VPS35: variants seen among roughly 807,000 people sequenced by gnomAD.
VPS35 encodes VPS35 retromer complex component, also known as vacuolar protein sorting-associated protein 35.
In VPS35, 21 loss-of-function variants were observed where a neutral mutation model predicts 98.1. The observed-to-expected ratio is 0.21, with a 90% CI of 0.15 to 0.31. VPS35 has a LOEUF of 0.31. VPS35 is among the 10% of genes least tolerant of loss of function. VPS35 has a pLI of 1.00. For synonymous variants in VPS35, 268 were observed against 318.2 expected, an observed-to-expected ratio of 0.84 and a Z score of 1.68; for missense variants, 554 against 950.8, an observed-to-expected ratio of 0.58 and a Z score of 5.49.
chr16:46,677,110 G>A (rs1301150609), intron 7 of VPS35, among the ~76,000 whole-genome samples: 2 of 151,566 alleles, frequency 1.3e-5, no homozygotes, highest in East Asian at 1.9e-4. Flanking sequence ...TGCCCAGGCT[G>A]GTTTTGAACT....
intron 1 of VPS35, chr16:46,688,255 A>C: frequency 1.0e-6 from 1 of 976,060 alleles, no homozygotes; most frequent in African/African-American, 1.8e-5. Flanking sequence ...ATACTCAAAA[A>C]ATTTATTTAC....
chr16:46,662,308 G>A lies in VPS35; in HGVS notation c.2002C>T (p.Arg668Ter), dbSNP rs1341452806. Residue 668 changes from arginine (R) to a stop codon, truncating the protein, a stop_gained, in exon 15 of 17, where the codon CGA (arginine) becomes TGA (stop). Transcript: ENST00000299138. LOFTEE classifies it high-confidence loss of function. ...AGATGTGCACAGGTGCTCACAGCTC[G>A]GCCCTGATCAGGTTTCTTTAGAAGT... ...SKLLKKPDQGRAVSTCAHLFW... is the reference protein window; with the variant it reads ...SKLLKKPDQG The A allele has an allele frequency of 2.5e-6, 4 of 1,613,948 alleles. No individual in the cohort carries two copies. The highest frequency in any genetic ancestry group is 3.4e-6 in the Non-Finnish European group (4 of 1,180,022).
At chr16:46,683,398 T>C (rs780934588) in intron 2 of VPS35, 110 bp downstream of exon 2, 78 of 1,009,342 alleles carry the variant, frequency 7.7e-5, no homozygotes, top group Non-Finnish European at 1.1e-4. Context: ...TAGATGCTGG[T>C]AAACGGTGAA....
At position 46,661,386 on chromosome 16, in the gene VPS35, C is replaced by A. The variant is rs566537780; in HGVS notation, c.2211+332G>T. 194 of 280,738 alleles carry A rather than the reference C, an allele frequency of 6.9e-4. 2 individuals are homozygous for A. Among genetic ancestry groups the A allele is most frequent in the South Asian group, 5.6e-3 (159 of 28,408 alleles). The allele number at this position is 280,738 out of a possible 1,614,324, so 17.4% of individuals were successfully genotyped here. A position where few individuals can be genotyped will look rare whatever the true frequency, so the allele number is the denominator to read the frequency against. Reference sequence around the variant, plus strand: ...CTGGGATTACAGGCGCCTGCCACCACGCCTAGCTAATTTTTGTATTTTTAG... The same window carrying A: ...CTGGGATTACAGGCGCCTGCCACCAAGCCTAGCTAATTTTTGTATTTTTAG... On this transcript the variant is annotated intron_variant, in intron 16 of 16. Transcript: ENST00000299138. This position sits in a 1 kb window ranked among gnomAD's most constrained non-coding sequence, Gnocchi z 4.3.
rs1458876246 is a variant in VPS35 at position 46,660,184 on chromosome 16, GTTTTGTGTT to G, written c.*279_*287del. ...TAGTAGCCAAGATAAGTGCTTGTGG[GTTTTGTGTT>G]TTTTTTTTTTTTTTTTTTTACAGAT... On this transcript the variant is annotated 3_prime_UTR_variant, in exon 17 of 17. Coordinates refer to ENST00000299138, the MANE Select transcript of VPS35 (RefSeq NM_018206.6). 2 of 68,108 alleles carry G rather than the reference GTTTTGTGTT, an allele frequency of 2.9e-5. No homozygotes were observed. Among genetic ancestry groups the G allele is most frequent in the Admixed American group, 2.7e-4 (1 of 3,676 alleles). 4.2% of individuals were successfully genotyped at this position (68,108 alleles called of 1,614,324 possible).
rs1209299072 is a variant in VPS35 at position 46,659,494 on chromosome 16, T to C, written c.*978A>G. ...ATGCCTTGGGAAAAGCAGGGTAAAG[T>C]TGAGGAAAGAAAAGGGGTATAAATG... is the stretch of plus-strand genomic sequence containing the variant. On this transcript the variant is annotated 3_prime_UTR_variant, in exon 17 of 17. Transcript: ENST00000299138. 2 of 152,056 alleles carry C rather than the reference T, an allele frequency of 1.3e-5. No individual in the cohort carries two copies. The highest frequency in any genetic ancestry group is 4.8e-5 in the African/African-American group (2 of 41,390). The allele number at this position is 152,056 out of a possible 1,614,324, so 9.4% of individuals were successfully genotyped here. A position where few individuals can be genotyped will look rare whatever the true frequency, so the allele number is the denominator to read the frequency against.
At position 46,659,362 on chromosome 16, in the gene VPS35, T is replaced by A. The variant is rs1965874011; in HGVS notation, c.*1110A>T. 6.6e-6 allele frequency: 1 copy of A among 152,240 alleles called. No homozygotes were observed. Among genetic ancestry groups the A allele is most frequent in the Non-Finnish European group, 1.5e-5 (1 of 68,092 alleles). 9.4% of individuals were successfully genotyped at this position (152,240 alleles called of 1,614,324 possible). A position where few individuals can be genotyped will look rare whatever the true frequency, so the allele number is the denominator to read the frequency against. On this transcript the variant is annotated 3_prime_UTR_variant, in exon 17 of 17. Coordinates refer to ENST00000299138, the MANE Select transcript of VPS35 (RefSeq NM_018206.6). ...CCCAAATTCCTGATCCAGAGACCTG[T>A]GAGATAAATGTTTGCTGTTTTAAGA...
intron 12 of VPS35, among the ~76,000 whole-genome samples, 180 bp downstream of exon 12, chr16:46,671,525 G>A (rs1966068605): frequency 6.6e-6 from 1 of 151,966 alleles, no homozygotes; most frequent in Non-Finnish European, 1.5e-5. Flanking sequence ...AGGCTGGAGT[G>A]CAGTGGCACA....
rs1966224031 is a variant in VPS35 at position 46,680,873 on chromosome 16, A to C, written c.324-20T>G. 7 of 1,606,988 alleles carry C rather than the reference A, an allele frequency of 4.4e-6. No individual in the cohort carries two copies. Among genetic ancestry groups the C allele is most frequent in the Non-Finnish European group, 6.0e-6 (7 of 1,173,714 alleles). On this transcript the variant is annotated intron_variant, in intron 4 of 16. Transcript: ENST00000299138. ...AGGTAACTAGGAAAATTATGAAGAA[A>C]TGCTGATTAGAAATAAAATATTCAA...
At chr16:46,686,559 A>G (rs1966318827) in intron 1 of VPS35, among the ~76,000 whole-genome samples, 2 of 152,262 alleles carry the variant, frequency 1.3e-5, no homozygotes, top group South Asian at 4.1e-4. Flanking sequence ...AAGTGAAGAC[A>G]TAAAGCTATA....
chr16:46,680,753 G>T lies in VPS35; in HGVS notation c.424C>A (p.His142Asn), dbSNP rs1966222581. 1 of 1,613,954 alleles carries T rather than the reference G, an allele frequency of 6.2e-7. No homozygotes were observed. Among genetic ancestry groups the T allele is most frequent in the Non-Finnish European group, 8.5e-7 (1 of 1,179,974 alleles). The part of the protein sequence containing the change: ...DLVEMCRGVQ[H>N]PLRGLFLRNY... ...CGAAGAAACAGACCCCTCAAGGGAT[G>T]TTGCACACCACGGCACATTTCTACC... Residue 142 changes from histidine (H) to asparagine (N), a missense_variant, in exon 5 of 17, where the codon CAT becomes AAT. Physicochemically the swap from His to Asn is moderately conservative, Grantham distance 68. Around this residue, in one of 5 missense-constraint regions of VPS35, gnomAD observed 77 missense variants for 222.3 expected, o/e 0.35. Coordinates refer to ENST00000299138, the MANE Select transcript of VPS35 (RefSeq NM_018206.6).
intron 1 of VPS35, chr16:46,688,751 G>A (rs1427064981): frequency 2.4e-6 from 3 of 1,228,332 alleles, no homozygotes; most frequent in African/African-American, 3.1e-5. Flanking sequence ...CCGAGTCTCA[G>A]GGCCTCCACG....
At chr16:46,660,972 C>T (rs1965905758) in intron 16 of VPS35, 3 of 391,006 alleles carry the variant, frequency 7.7e-6, no homozygotes, top group South Asian at 5.9e-5. Flanking sequence ...CATGGTGGAA[C>T]CCCATCTCTA....
Position 46,676,638 on chromosome 16 carries a change from C to T in VPS35, c.859G>A (p.Ala287Thr). Reference sequence around the variant, plus strand: ...ACATTTACATTCTGGTGTAACTCAGCACAGGCCCGAAGAAAAGGATTCAAA... The same window carrying T: ...ACATTTACATTCTGGTGTAACTCAGTACAGGCCCGAAGAAAAGGATTCAAA... The part of the protein sequence containing the change: ...QTLNPFLRAC[A>T]ELHQNVNVKN... Residue 287 changes from alanine to threonine, a missense_variant, in exon 8 of 17, where the codon GCT (alanine) becomes ACT (threonine). Ala to Thr is a moderately conservative substitution (Grantham distance 58). Transcript: ENST00000299138. The T allele has an allele frequency of 6.2e-7, 1 of 1,613,234 alleles. No homozygotes were observed. Among genetic ancestry groups the T allele is most frequent in the Non-Finnish European group, 8.5e-7 (1 of 1,179,862 alleles).
At chr16:46,676,489 T>C (rs1966154744) in intron 8 of VPS35, 94 bp downstream of exon 8, 8 of 803,692 alleles carry the variant, frequency 1.0e-5, no homozygotes, top group Non-Finnish European at 1.5e-5. Flanking sequence ...ATTGGTATGA[T>C]AAAGATGTAA....
intron 8 of VPS35, 132 bp from the exon 9 acceptor site, chr16:46,674,792 T>C (rs1471198055): frequency 2.3e-6 from 2 of 878,220 alleles, no homozygotes; most frequent in Admixed American, 2.5e-5. Flanking sequence ...TTTTTTTGTT[T>C]TGTTTTGTTT....
chr16:46,680,809 G>C lies in VPS35; in HGVS notation c.368C>G (p.Pro123Arg), dbSNP rs1421508866. Residue 123 changes from proline (P) to arginine (R), a missense_variant, in exon 5 of 17, where the codon CCT (proline) becomes CGT (arginine). Coordinates refer to ENST00000299138, the MANE Select transcript of VPS35 (RefSeq NM_018206.6). ...TTTCAAAATATCCTTCCTGGACTGA[G>C]GAAATGACTTGACATATACAACTCC... ...TVGVVYVKSFPQSRKDILKDL... is the reference protein window; with the variant it reads ...TVGVVYVKSFRQSRKDILKDL... 6.2e-7 allele frequency: 1 copy of C among 1,613,940 alleles called. No homozygotes were observed. The highest frequency in any genetic ancestry group is 2.2e-5 in the East Asian group (1 of 44,858).
intron 8 of VPS35, among the ~76,000 whole-genome samples, chr16:46,675,781 T>C (rs1596719762): frequency 6.6e-6 from 1 of 152,028 alleles, no homozygotes; most frequent in Non-Finnish European, 1.5e-5. Context: ...AAGCCACCCA[T>C]TGGCCAAGCG....
At chr16:46,686,093 T>C (rs1157836115) in intron 1 of VPS35, among the ~76,000 whole-genome samples, 1 of 152,158 alleles carries the variant, frequency 6.6e-6, no homozygotes, top group Non-Finnish European at 1.5e-5. Flanking sequence ...TTTCTCTGAG[T>C]TTGACTACTC....
Sources: allele counts gnomAD v4.1 joint callset (sites outside exome capture counted in the v4.1 genomes callset), GRCh38; gene constraint gnomAD v4.1.1; regional missense constraint gnomAD v4.1.1; non-coding constraint Gnocchi (gnomAD v3.1); transcripts MANE v1.5; gene names NCBI Gene and HGNC (gene_info 2026-07-23, HGNC 2026-07-21).